XKR9: variants seen among roughly 807,000 people sequenced by gnomAD.
XKR9 encodes the protein XK-related protein 9.
A neutral mutation model predicts 32.0 loss-of-function variants in XKR9; 32 were observed. That is an observed-to-expected ratio of 1.00 (90% CI 0.76 to 1.34). The LOEUF is 1.34. Ranked by LOEUF, XKR9 falls within the 40% of genes most tolerant of loss-of-function variation. The probability of loss-of-function intolerance (pLI) is 0.00; values close to 1 mark genes in which losing one functional copy is unlikely to be tolerated. For synonymous variants in XKR9, 168 were observed against 143.4 expected, an observed-to-expected ratio of 1.17 and a Z score of -1.22; for missense variants, 546 against 429.7, an observed-to-expected ratio of 1.27 and a Z score of -2.39.
At chr8:70,914,743 A>T in the XKR9 span, among the ~76,000 whole-genome samples, 1 of 152,128 alleles carries the variant, frequency 6.6e-6, no homozygotes, top group Non-Finnish European at 1.5e-5. Context: ...CAATTTATAA[A>T]TTTTTTCCTT....
chr8:70,990,909 T>C, the XKR9 span, among the ~76,000 whole-genome samples: 85 of 152,308 alleles, frequency 5.6e-4, no homozygotes, highest in African/African-American at 1.9e-3. Context: ...AAAATTACTT[T>C]GGATGTATTA....
At chr8:70,760,983 GTTAC>G in intron 2 of XKR9, among the ~76,000 whole-genome samples, 1 of 152,228 alleles carries the variant, frequency 6.6e-6, no homozygotes, top group South Asian at 2.1e-4. Flanking sequence ...CTGTTGCTGT[GTTAC>G]TTTGCTAAAG....
At chr8:71,007,657 A>G in the XKR9 span, among the ~76,000 whole-genome samples, 33 of 152,148 alleles carry the variant, frequency 2.2e-4, no homozygotes, top group African/African-American at 7.7e-4. Flanking sequence ...TAAAATATAC[A>G]TTATTAAAAA....
chr8:70,836,547 A>G, the XKR9 span, among the ~76,000 whole-genome samples: 5 of 151,156 alleles, frequency 3.3e-5, no homozygotes, highest in Admixed American at 2.7e-4. Context: ...ATTTCATTAT[A>G]TAAATACACC....
At chr8:70,776,213 G>A (rs549090273) in intron 2 of XKR9, among the ~76,000 whole-genome samples, 123 of 152,158 alleles carry the variant, frequency 8.1e-4, no homozygotes, top group African/African-American at 2.9e-3. Flanking sequence ...TTTATAGGAA[G>A]GGCTTAATTC....
chr8:70,795,079 G>C (rs181193886), downstream of XKR9, among the ~76,000 whole-genome samples: 4 of 151,900 alleles, frequency 2.6e-5, no homozygotes, highest in African/African-American at 9.7e-5. Context: ...TGTCATACTG[G>C]TATTAAGCTT....
chr8:70,806,230 A>C, the XKR9 span, among the ~76,000 whole-genome samples: 7 of 152,136 alleles, frequency 4.6e-5, no homozygotes, highest in African/African-American at 1.7e-4. Context: ...CATCGACAAC[A>C]ACAAAGAAGT....
At chr8:70,881,250 A>C in the XKR9 span, among the ~76,000 whole-genome samples, 2 of 152,218 alleles carry the variant, frequency 1.3e-5, no homozygotes, top group African/African-American at 2.4e-5. Context: ...AATGTCAACA[A>C]AAGCCAAAAT....
the XKR9 span, among the ~76,000 whole-genome samples, chr8:70,843,320 C>A: frequency 6.6e-6 from 1 of 152,152 alleles, no homozygotes; most frequent in Non-Finnish European, 1.5e-5. Flanking sequence ...ATAGTAAGCA[C>A]TATTTTAATG....
chr8:70,783,293 C>A (rs554183765), intron 2 of XKR9, among the ~76,000 whole-genome samples: 1 of 150,796 alleles, frequency 6.6e-6, no homozygotes, highest in East Asian at 1.9e-4. Context: ...GTGGCATGAT[C>A]TTGGCTCACT....
chr8:70,782,799 C>T (rs1464112943), intron 2 of XKR9, among the ~76,000 whole-genome samples: 1 of 152,058 alleles, frequency 6.6e-6, no homozygotes, highest in Non-Finnish European at 1.5e-5. Context: ...CGTATGTAGA[C>T]CACATTTTAT....
the XKR9 span, among the ~76,000 whole-genome samples, chr8:71,054,709 A>G: frequency 4.6e-5 from 7 of 152,302 alleles, no homozygotes; most frequent in East Asian, 5.8e-4. Context: ...ATAAGTGCCC[A>G]TATCCTTATA....
chr8:70,787,420 G>A (rs1009095165), intron 2 of XKR9, among the ~76,000 whole-genome samples: 13 of 152,090 alleles, frequency 8.5e-5, no homozygotes, highest in Admixed American at 2.6e-4. Context: ...ATGCAAAATA[G>A]GCTTGGAAAT....
At chr8:70,885,143 T>A in the XKR9 span, among the ~76,000 whole-genome samples, 1 of 152,060 alleles carries the variant, frequency 6.6e-6, no homozygotes, top group South Asian at 2.1e-4. Context: ...CTAATGTAAG[T>A]GATGTTGTGT....
chr8:70,953,465 C>G, the XKR9 span, among the ~76,000 whole-genome samples: 1 of 152,138 alleles, frequency 6.6e-6, no homozygotes, highest in African/African-American at 2.4e-5. Flanking sequence ...GTGTGCACCA[C>G]CGTGCCCGGC....
chr8:70,959,408 C>T, the XKR9 span, among the ~76,000 whole-genome samples: 1 of 152,176 alleles, frequency 6.6e-6, no homozygotes, highest in Non-Finnish European at 1.5e-5. Context: ...TTAATGTCCT[C>T]CAGTATTCCA....
the XKR9 span, among the ~76,000 whole-genome samples, chr8:70,951,040 T>G: frequency 1.3e-5 from 2 of 152,162 alleles, no homozygotes; most frequent in Non-Finnish European, 2.9e-5. Flanking sequence ...CCCAGACTGG[T>G]GTCATTCAGA....
At chr8:70,823,478 A>G in the XKR9 span, among the ~76,000 whole-genome samples, 1 of 152,144 alleles carries the variant, frequency 6.6e-6, no homozygotes, top group Non-Finnish European at 1.5e-5. Flanking sequence ...TCCAATGCAA[A>G]CATTTATATT....
rs1563477157 is a variant in XKR9, at chr8:70,776,923, T to TCTCTCTCTCTCTCTCTCTCTC, written n.353-12416_353-12415insCTCTCTCTCTCTCTCTCTCTC. On this transcript the variant is annotated intron_variant and non_coding_transcript_variant, in intron 2 of 3. Transcript: ENST00000520273. ...TGCATTTAGCAGGTTTTCTCTTTCTTTCTCTCTCTCTCTCTCTCTCTCTCT... is the reference window on the plus strand; with the variant it reads ...TGCATTTAGCAGGTTTTCTCTTTCTTCTCTCTCTCTCTCTCTCTCTCTCTCTCTCTCTCTCTCTCTCTCTCT... Among the ~76,000 whole-genome samples the TCTCTCTCTCTCTCTCTCTCTC allele has an allele frequency of 1.1e-3, 63 of 59,580 alleles. 6 individuals are homozygous for TCTCTCTCTCTCTCTCTCTCTC. Among genetic ancestry groups the TCTCTCTCTCTCTCTCTCTCTC allele is most frequent in the Non-Finnish European group, 1.7e-3 (54 of 31,086 alleles). The allele number at this position is 59,580 out of a possible 152,430, so 39.1% of individuals were successfully genotyped here.
Sources: gnomAD v4.1 joint callset for allele counts (sites outside exome capture counted in the v4.1 genomes callset) on GRCh38, gnomAD v4.1.1 for gene constraint, MANE v1.5 for transcripts, NCBI Gene and HGNC (gene_info 2026-07-23, HGNC 2026-07-21) for gene names.